The following TFDP1 variants were observed in gnomAD, a reference collection of about 807,000 sequenced individuals.
TFDP1 encodes DRTF1-polypeptide 1.
In TFDP1, 6 loss-of-function variants were observed where a neutral mutation model predicts 48.0. The observed-to-expected ratio is 0.13, with a 90% CI of 0.07 to 0.25. The LOEUF (loss-of-function observed/expected upper bound fraction) is 0.25. TFDP1 is among the 10% of genes least tolerant of loss of function. The pLI, the probability that TFDP1 is intolerant of heterozygous loss-of-function variation, is 1.00. For synonymous variants in TFDP1, 201 were observed against 211.6 expected (o/e 0.95, Z 0.44); for missense variants, 335 against 543.0 (o/e 0.62, Z 3.81).
At position 113,627,285 on chromosome 13, in the gene TFDP1, G is replaced by T. The variant is rs139810497; in HGVS notation, c.186+3999G>T. 5.4e-4 allele frequency among the ~76,000 whole-genome samples: 82 copies of T among 152,298 alleles called. No homozygotes were observed. Among genetic ancestry groups the T allele is most frequent in the African/African-American group, 1.8e-3 (75 of 41,552 alleles). On this transcript the variant is annotated intron_variant, in intron 4 of 11. Coordinates refer to ENST00000375370, the MANE Select transcript of TFDP1 (RefSeq NM_007111.5). The surrounding 1 kb of genome is among the most constrained non-coding windows in gnomAD (Gnocchi z 4.1). ...TGAGGTGCGGATGCTTGTGAAGCCT[G>T]TGGTGCTGCAGAGCTCAGCACGCGC...
At chr13:113,638,361 T>C (rs1046940813) in intron 11 of TFDP1, among the ~76,000 whole-genome samples, 4 of 151,450 alleles carry the variant, frequency 2.6e-5, no homozygotes, top group Non-Finnish European at 5.9e-5. Flanking sequence ...TCATGGTGCA[T>C]GTGTTTTTCA....
At chr13:113,585,975 G>C (rs2047993557) in intron 2 of TFDP1, 126 bp downstream of exon 2, 1 of 1,105,886 alleles carries the variant, frequency 9.0e-7, no homozygotes, top group Non-Finnish European at 1.3e-6. Context: ...GACTTTTAAA[G>C]CGTCTGAAGC....
intron 3 of TFDP1, among the ~76,000 whole-genome samples, chr13:113,614,213 GTA>G (rs1381689559): frequency 9.9e-5 from 15 of 151,854 alleles, no homozygotes. Context: ...TGCGAGTTGA[GTA>G]TGATGTGTGT....
chr13:113,602,130 A>G (rs1566644450), intron 2 of TFDP1, among the ~76,000 whole-genome samples: 1 of 149,364 alleles, frequency 6.7e-6, no homozygotes, highest in Non-Finnish European at 1.5e-5. Flanking sequence ...GGACAGAGTT[A>G]CCCGCAGGAG....
intron 2 of TFDP1, among the ~76,000 whole-genome samples, chr13:113,593,390 GT>G: frequency 6.9e-6 from 1 of 144,072 alleles, no homozygotes; most frequent in South Asian, 2.3e-4. Context: ...TGACAGGTGT[GT>G]GTGCGGGTCC....
Position 113,627,148 on chromosome 13 carries a change from A to G in TFDP1, c.186+3862A>G, listed in dbSNP as rs532377242. On this transcript the variant is annotated intron_variant, in intron 4 of 11. Coordinates refer to ENST00000375370, the MANE Select transcript of TFDP1 (RefSeq NM_007111.5). This position sits in a 1 kb window ranked among gnomAD's most constrained non-coding sequence, Gnocchi z 4.1. The stretch of plus-strand genomic sequence containing the variant: ...CAAAAAACTGGACTGGCTCATTCTG[A>G]CACGAGGGGTGGGGCTCAGTCCGGG... Among the ~76,000 whole-genome samples, 1 of 152,280 alleles carries G rather than the reference A, an allele frequency of 6.6e-6. No homozygotes were observed. Among genetic ancestry groups the G allele is most frequent in the South Asian group, 2.1e-4 (1 of 4,826 alleles).
chr13:113,631,615 G>A lies in TFDP1; in HGVS notation c.187-8G>A, dbSNP rs765736415. On this transcript the variant is annotated splice_region_variant and splice_polypyrimidine_tract_variant and intron_variant, in intron 4 of 11. Coordinates refer to ENST00000375370, the MANE Select transcript of TFDP1 (RefSeq NM_007111.5). ...ACTGACTGTCTGAATTGTCTTTTTC[G>A]ACTGTAGGTAATTGGTACGCCTCAG... The A allele has an allele frequency of 1.1e-5, 17 of 1,610,466 alleles. No homozygotes were observed. The highest frequency in any genetic ancestry group is 4.0e-5 in the African/African-American group (3 of 74,636).
intron 2 of TFDP1, among the ~76,000 whole-genome samples, chr13:113,605,513 A>G (rs12873993): frequency 0.49 from 74,608 of 152,088 alleles, 20,922 homozygotes; most frequent in African/African-American, 0.77. Flanking sequence ...GGAGTGGCTC[A>G]ATTGGGTGCT....
intron 3 of TFDP1, among the ~76,000 whole-genome samples, chr13:113,613,353 C>A (rs76579063): frequency 1.1e-4 from 16 of 152,186 alleles, no homozygotes; most frequent in African/African-American, 3.4e-4. Flanking sequence ...ATCAGTGACA[C>A]GTTCATGTTT....
intron 9 of TFDP1, 107 bp downstream of exon 9, chr13:113,636,235 A>C: frequency 7.0e-7 from 1 of 1,430,648 alleles, no homozygotes; most frequent in South Asian, 1.3e-5. Flanking sequence ...TACAAATAGC[A>C]AATGTTGCAC....
At position 113,598,406 on chromosome 13, in the gene TFDP1, G is replaced by A. The variant is rs1031368509; in HGVS notation, c.12+12557G>A. On this transcript the variant is annotated intron_variant, in intron 2 of 11. Transcript: ENST00000375370. The surrounding 1 kb of genome is among the most constrained non-coding windows in gnomAD (Gnocchi z 4.2). Reference sequence around the variant, plus strand: ...GTCTCATTATAGATTATATAGATTAGAGCAGCCTCTCCTGGGAGAGGGATG... The same window carrying A: ...GTCTCATTATAGATTATATAGATTAAAGCAGCCTCTCCTGGGAGAGGGATG... 6.6e-6 allele frequency among the ~76,000 whole-genome samples: 1 copy of A among 152,150 alleles called. No individual in the cohort carries two copies. The highest frequency in any genetic ancestry group is 2.4e-5 in the African/African-American group (1 of 41,418).
intron 3 of TFDP1, among the ~76,000 whole-genome samples, chr13:113,619,524 T>A (rs1452377428): frequency 6.7e-6 from 1 of 149,868 alleles, no homozygotes; most frequent in Non-Finnish European, 1.5e-5. Context: ...CACCCAGGTC[T>A]GGCCCCAGAA....
chr13:113,638,393 G>A (rs1051718555), intron 11 of TFDP1, among the ~76,000 whole-genome samples: 69 of 151,044 alleles, frequency 4.6e-4, no homozygotes, highest in African/African-American at 1.5e-3. Flanking sequence ...TGGTCATAGC[G>A]CATGTATTTT....
intron 3 of TFDP1, among the ~76,000 whole-genome samples, chr13:113,619,481 C>CAAAAAAAAAAAA (rs1162300447): frequency 7.3e-5 from 8 of 110,274 alleles, no homozygotes; most frequent in African/African-American, 9.8e-5. Flanking sequence ...AAAAAAAAAA[C>CAAAAAAAAAAAA]AAAAAAAAAA....
rs970705843 is a variant in TFDP1, at chr13:113,627,304, C to T, written c.186+4018C>T. 1.7e-4 allele frequency among the ~76,000 whole-genome samples: 26 copies of T among 152,160 alleles called. No homozygotes were observed. The highest frequency in any genetic ancestry group is 5.3e-4 in the African/African-American group (22 of 41,430). On this transcript the variant is annotated intron_variant, in intron 4 of 11. Coordinates refer to ENST00000375370, the MANE Select transcript of TFDP1 (RefSeq NM_007111.5). This position sits in a 1 kb window ranked among gnomAD's most constrained non-coding sequence, Gnocchi z 4.1. ...AAGCCTGTGGTGCTGCAGAGCTCAG[C>T]ACGCGCACAGGAACGTGTGCGGGAC... is the stretch of plus-strand genomic sequence containing the variant.
chr13:113,621,479 A>C (rs1220226732), intron 3 of TFDP1, among the ~76,000 whole-genome samples: 1 of 152,224 alleles, frequency 6.6e-6, no homozygotes, highest in African/African-American at 2.4e-5. Context: ...CTTAGATATG[A>C]TTATATATGA....
At chr13:113,611,463 C>T (rs1017413659) in intron 3 of TFDP1, among the ~76,000 whole-genome samples, 19 of 152,238 alleles carry the variant, frequency 1.2e-4, no homozygotes, top group Non-Finnish European at 8.8e-5. Flanking sequence ...ATGCCTTCTG[C>T]GAAGCAGGCA....
At chr13:113,611,554 G>A (rs937700696) in intron 3 of TFDP1, among the ~76,000 whole-genome samples, 1 of 152,206 alleles carries the variant, frequency 6.6e-6, no homozygotes, top group South Asian at 2.1e-4. Flanking sequence ...GGAATCCAGG[G>A]GAGGAAGTCA....
rs888533321 is a variant in TFDP1, at chr13:113,604,810, G to GT, written c.13-6184dup. Among the ~76,000 whole-genome samples the GT allele has an allele frequency of 8.5e-5, 13 of 152,332 alleles. No homozygotes were observed. The East Asian group carries it at 2.1e-3, about 25-fold the overall frequency. The stretch of plus-strand genomic sequence containing the variant: ...CATACAGGGTTCTGAACGTTCTGAC[G>GT]TTACAGCGGGGGTCTGGTGCTGTTG... On this transcript the variant is annotated intron_variant, in intron 2 of 11. Coordinates refer to ENST00000375370, the MANE Select transcript of TFDP1 (RefSeq NM_007111.5).
Sources: gnomAD v4.1 joint callset for allele counts (sites outside exome capture counted in the v4.1 genomes callset) on GRCh38, gnomAD v4.1.1 for gene constraint, Gnocchi (gnomAD v3.1) non-coding constraint, MANE v1.5 for transcripts, NCBI Gene and HGNC (gene_info 2026-07-23, HGNC 2026-07-21) for gene names.